Variants in CTSS observed in about 807,000 individuals in gnomAD.
The protein encoded by CTSS is cathepsin S.
Under a neutral mutation model 39.9 loss-of-function variants are expected in CTSS, and 15 were observed. That is an observed-to-expected ratio of 0.38 (90% confidence interval 0.25 to 0.58). CTSS has a LOEUF of 0.58. CTSS is among the 20% of genes least tolerant of loss of function. The pLI, the probability that CTSS is intolerant of heterozygous loss-of-function variation, is 0.70. For synonymous variants in CTSS, 126 were observed against 138.2 expected (o/e 0.91, Z 0.62); for missense variants, 250 against 398.2 (o/e 0.63, Z 3.17).
At chr1:150,750,368 A>G (rs11587444) in intron 5 of CTSS, among the ~76,000 whole-genome samples, 197 bp from the exon 6 acceptor site, 57,396 of 152,014 alleles carry the variant, frequency 0.38, 11,104 homozygotes, top group South Asian at 0.54. Context: ...GAACTATTCT[A>G]TTCTTTCAAA....
At chr1:150,749,900 C>T (rs1369005864) in intron 6 of CTSS, 106 bp downstream of exon 6, 1 of 932,982 alleles carries the variant, frequency 1.1e-6, no homozygotes, top group Non-Finnish European at 1.5e-6. Flanking sequence ...AGCAATCCTC[C>T]CACCTCAGCC....
intron 7 of CTSS, among the ~76,000 whole-genome samples, chr1:150,738,088 G>C (rs1018715987): frequency 2.0e-5 from 3 of 152,158 alleles, no homozygotes; most frequent in African/African-American, 7.2e-5. Context: ...AGGGTTTGGG[G>C]TAGAAGGGTA....
chr1:150,757,864 T>C lies in CTSS; in HGVS notation c.243A>G (p.Gly81=). 6.2e-7 allele frequency: 1 copy of C among 1,613,596 alleles called. No homozygotes were observed. The highest frequency in any genetic ancestry group is 1.1e-5 in the South Asian group (1 of 91,058). ...TTTCTTGTAATGTACCTACCATGTC[T>C]CCCAGGTGGTTCATGCCCAGATCGT... ...HSYDLGMNHL[G]DMTSEEVMSL... is the part of the protein sequence containing the mutation. Residue 81 remains glycine, a synonymous_variant, in exon 3 of 8, where the codon GGA becomes GGG. Coordinates refer to ENST00000368985, the MANE Select transcript of CTSS (RefSeq NM_004079.5).
chr1:150,760,758 C>T (rs1653237705), intron 2 of CTSS, among the ~76,000 whole-genome samples: 1 of 151,878 alleles, frequency 6.6e-6, no homozygotes, highest in Non-Finnish European at 1.5e-5. Context: ...TGGCATGTGC[C>T]TACAGTCCCA....
At chr1:150,740,055 G>A (rs999608050) in intron 7 of CTSS, among the ~76,000 whole-genome samples, 4 of 152,088 alleles carry the variant, frequency 2.6e-5, no homozygotes, top group Non-Finnish European at 4.4e-5. Context: ...ATTTCCAATC[G>A]CTAGTTCCTA....
rs1188244180 is a variant in CTSS, at chr1:150,755,070, G to A, written c.330C>T (p.Asn110=). 6.2e-7 allele frequency: 1 copy of A among 1,614,054 alleles called. No individual in the cohort carries two copies. The stretch of plus-strand genomic sequence containing the variant: ...CAGAATCAGGCAATATCCGATTAGG[G>A]TTTGACTTATATGTGATATTTCTCT... ...QWQRNITYKS[N]PNRILPDSVD... The change falls in exon 4 of 8, where the codon AAC becomes AAT. Residue 110 remains asparagine, a synonymous_variant. Coordinates refer to ENST00000368985, the MANE Select transcript of CTSS (RefSeq NM_004079.5).
intron 7 of CTSS, among the ~76,000 whole-genome samples, chr1:150,745,089 C>G (rs997425458): frequency 6.6e-6 from 1 of 152,094 alleles, no homozygotes; most frequent in East Asian, 1.9e-4. Flanking sequence ...GCTACTTTCC[C>G]CATGGGCCAT....
intron 2 of CTSS, among the ~76,000 whole-genome samples, chr1:150,761,448 T>G (rs1256202936): frequency 3.3e-5 from 5 of 152,002 alleles, no homozygotes; most frequent in African/African-American, 1.2e-4. Flanking sequence ...GAAGACAAAA[T>G]AGGCCGGGCG....
At chr1:150,735,293 T>C (rs1485575529) in intron 7 of CTSS, among the ~76,000 whole-genome samples, 2 of 152,240 alleles carry the variant, frequency 1.3e-5, no homozygotes, top group Non-Finnish European at 2.9e-5. Context: ...AAATATTCTA[T>C]GTATCAGCCC....
rs1167254114 is a variant in CTSS at position 150,732,837 on chromosome 1, G to C, written c.*209C>G. The C allele has an allele frequency of 2.7e-6, 1 of 365,994 alleles. No individual in the cohort carries two copies. The highest frequency in any genetic ancestry group is 5.4e-5 in the East Asian group (1 of 18,514). The allele number at this position is 365,994 out of a possible 1,614,324, so 22.7% of individuals were successfully genotyped here. On this transcript the variant is annotated 3_prime_UTR_variant, in exon 8 of 8. Transcript: ENST00000368985. ...TTAGCCAGGCTGCTCTTTAACTCCT[G>C]GCCTCAAGTTGATATGCCTGCCTTG...
At chr1:150,756,212 C>T (rs1375365425) in intron 3 of CTSS, among the ~76,000 whole-genome samples, 1 of 152,170 alleles carries the variant, frequency 6.6e-6, no homozygotes, top group African/African-American at 2.4e-5. Context: ...GTCTCCACCT[C>T]TTGTCCCACT....
At chr1:150,740,812 A>T (rs1652735708) in intron 7 of CTSS, among the ~76,000 whole-genome samples, 1 of 151,628 alleles carries the variant, frequency 6.6e-6, no homozygotes, top group Non-Finnish European at 1.5e-5. Flanking sequence ...TTCCCACCTC[A>T]GTCTCCCAAG....
chr1:150,753,784 G>C (rs749014690), intron 4 of CTSS, among the ~76,000 whole-genome samples: 6 of 151,754 alleles, frequency 4.0e-5, no homozygotes, highest in Non-Finnish European at 7.4e-5. Flanking sequence ...ACCCATCTCT[G>C]CTAAAAATAC....
At chr1:150,763,281 C>G (rs1369125511) in intron 2 of CTSS, among the ~76,000 whole-genome samples, 1 of 151,974 alleles carries the variant, frequency 6.6e-6, no homozygotes, top group Admixed American at 6.6e-5. Flanking sequence ...TTAGCAGAGG[C>G]TGGGCGGAGG....
intron 3 of CTSS, among the ~76,000 whole-genome samples, chr1:150,757,001 C>T (rs146722548): frequency 2.0e-5 from 3 of 152,278 alleles, no homozygotes; most frequent in Admixed American, 6.5e-5. Context: ...CAGGTGTGAG[C>T]CACTGTGCCC....
chr1:150,732,861 T>C lies in CTSS; in HGVS notation c.*185A>G, dbSNP rs1190956080. On this transcript the variant is annotated 3_prime_UTR_variant, in exon 8 of 8. Coordinates refer to ENST00000368985, the MANE Select transcript of CTSS (RefSeq NM_004079.5). ...TGGCCTCAAGTTGATATGCCTGCCT[T>C]GGCCTCCCAAGTACTGGGATTACAG... The C allele has an allele frequency of 4.8e-6, 2 of 418,820 alleles. No homozygotes were observed. Among genetic ancestry groups the C allele is most frequent in the East Asian group, 8.9e-5 (2 of 22,406 alleles). 25.9% of individuals were successfully genotyped at this position (418,820 alleles called of 1,614,324 possible).
chr1:150,761,265 C>G (rs970616532), intron 2 of CTSS, among the ~76,000 whole-genome samples: 3 of 150,088 alleles, frequency 2.0e-5, no homozygotes, highest in African/African-American at 7.3e-5. Flanking sequence ...TTGTAAGACA[C>G]AAAGTCAACA....
At chr1:150,753,034 T>C (rs900508219) in intron 4 of CTSS, among the ~76,000 whole-genome samples, 1 of 152,034 alleles carries the variant, frequency 6.6e-6, no homozygotes, top group African/African-American at 2.4e-5. Flanking sequence ...TTTTTATTTT[T>C]TGTAGAGTCA....
rs760168955 is a variant in CTSS at position 150,764,634 on chromosome 1, C to T, written c.126+4G>A. 4.3e-6 allele frequency: 7 copies of T among 1,613,960 alleles called. No homozygotes were observed. The highest frequency in any genetic ancestry group is 5.9e-6 in the Non-Finnish European group (7 of 1,179,946). On this transcript the variant is annotated splice_donor_region_variant and intron_variant, in intron 2 of 7. Coordinates refer to ENST00000368985, the MANE Select transcript of CTSS (RefSeq NM_004079.5). The stretch of plus-strand genomic sequence containing the variant: ...CATATCGCTCGAGTGGCAATCCAAT[C>T]TACCTTTTCCTTGTATTGTTTGCCA...
Sources: allele counts gnomAD v4.1 joint callset (sites outside exome capture counted in the v4.1 genomes callset), GRCh38; gene constraint gnomAD v4.1.1; transcripts MANE v1.5; gene names NCBI Gene and HGNC (gene_info 2026-07-23, HGNC 2026-07-21).